UPP2: variants seen among roughly 807,000 people sequenced by gnomAD.
UPP2 encodes the protein uridine phosphorylase 2, also known as UPase 2.
Under a neutral mutation model 26.7 loss-of-function variants are expected in UPP2, and 23 were observed. The ratio of observed to expected loss-of-function variants is 0.86; its 90% CI spans 0.62 to 1.22. The LOEUF (loss-of-function observed/expected upper bound fraction) is 1.22. Ranked by LOEUF, UPP2 falls within the 50% of genes most tolerant of loss-of-function variation. UPP2 has a pLI of 0.00. For missense variants in UPP2, 387 were observed against 396.7 expected (o/e 0.98, Z 0.21); for synonymous variants, 127 against 141.3 (o/e 0.90, Z 0.72).
chr2:158,128,057 T>C, intron 6 of UPP2: 1 of 979,320 alleles, frequency 1.0e-6, no homozygotes, highest in Non-Finnish European at 1.2e-6. Flanking sequence ...TAACTTGTAT[T>C]CGTGTTTTAA....
chr2:158,067,542 C>T (rs888801671), intron 3 of UPP2, among the ~76,000 whole-genome samples: 1 of 152,084 alleles, frequency 6.6e-6, no homozygotes, highest in Admixed American at 6.6e-5. Context: ...ATCCTACGTG[C>T]ATCAGGGATT....
chr2:158,134,684 G>C, intron 6 of UPP2, 64 bp from the exon 7 acceptor site: 1 of 1,495,940 alleles, frequency 6.7e-7, no homozygotes, highest in East Asian at 2.5e-5. Context: ...GGTGTGTTTG[G>C]CTAATGCTTC....
intron 3 of UPP2, among the ~76,000 whole-genome samples, chr2:158,046,215 A>G (rs1443496280): frequency 6.6e-6 from 1 of 152,230 alleles, no homozygotes; most frequent in Non-Finnish European, 1.5e-5. Context: ...TAAAGAAGCT[A>G]TATTTTGTCT....
At chr2:158,087,923 TC>T in intron 3 of UPP2, among the ~76,000 whole-genome samples, 1 of 152,338 alleles carries the variant, frequency 6.6e-6, no homozygotes, top group East Asian at 1.9e-4. Flanking sequence ...TAAGATTCTT[TC>T]CTTCATCTTG....
chr2:158,118,346 C>A (rs1683487070), intron 4 of UPP2, among the ~76,000 whole-genome samples: 1 of 151,810 alleles, frequency 6.6e-6, no homozygotes, highest in South Asian at 2.1e-4. Flanking sequence ...AACTGCAAAG[C>A]TCTTAGAAAA....
At chr2:158,049,396 G>A (rs1181572915) in intron 3 of UPP2, among the ~76,000 whole-genome samples, 1 of 152,162 alleles carries the variant, frequency 6.6e-6, no homozygotes, top group African/African-American at 2.4e-5. Flanking sequence ...TAACCTCATT[G>A]GTTAAGTTCC....
intron 3 of UPP2, among the ~76,000 whole-genome samples, chr2:158,089,215 G>C (rs1177000850): frequency 6.6e-6 from 1 of 152,066 alleles, no homozygotes; most frequent in Non-Finnish European, 1.5e-5. Context: ...TTCCCAGGGG[G>C]ATTATGGTTG....
chr2:158,007,803 A>G (rs1240969362), intron 2 of UPP2, among the ~76,000 whole-genome samples: 3 of 151,732 alleles, frequency 2.0e-5, no homozygotes, highest in Non-Finnish European at 4.4e-5. Flanking sequence ...GGGTTTCAAC[A>G]TGTTGGTCAG....
Position 158,117,839 on chromosome 2 carries a change from C to T in UPP2, c.355C>T (p.Pro119Ser), listed in dbSNP as rs1683473989. 6.2e-7 allele frequency: 1 copy of T among 1,611,284 alleles called. No homozygotes were observed. Among genetic ancestry groups the T allele is most frequent in the African/African-American group, 1.3e-5 (1 of 74,828 alleles). The change falls in exon 4 of 7, where the codon CCC (proline) becomes TCC (serine). Residue 119 changes from proline to serine, a missense_variant. Coordinates refer to ENST00000005756, the MANE Select transcript of UPP2 (RefSeq NM_173355.4). ...CTCTCAATAGCACGGCATGGGCATC[C>T]CCTCCATTTCTATTATGCTTCATGA... ...VLAISHGMGI[P>S]SISIMLHELI...
intron 3 of UPP2, among the ~76,000 whole-genome samples, chr2:158,081,547 C>T (rs987340960): frequency 4.6e-5 from 7 of 152,062 alleles, no homozygotes; most frequent in Non-Finnish European, 1.0e-4. Flanking sequence ...TTCATAATAG[C>T]CAAGATTTGG....
intron 3 of UPP2, among the ~76,000 whole-genome samples, chr2:158,061,896 G>C (rs1312861223): frequency 6.6e-6 from 1 of 152,238 alleles, no homozygotes; most frequent in East Asian, 1.9e-4. Context: ...TCTTTCAGTG[G>C]CTTCTGTCCC....
At position 158,075,670 on chromosome 2, in the gene UPP2, T is replaced by G. The variant is rs546626228; in HGVS notation, c.148-26370T>G. Among the ~76,000 whole-genome samples the G allele has an allele frequency of 5.3e-5, 8 of 152,058 alleles. No homozygotes were observed. In the East Asian group the frequency reaches 1.5e-3, roughly 29 times the overall value. ...CATAGAAATACAACATACCAAAACC[T>G]ATGGGATACAGTGAAAGCAGTATGA... On this transcript the variant is annotated intron_variant, in intron 3 of 9. Coordinates refer to the UPP2 transcript ENST00000605860.
chr2:158,058,835 T>A (rs1283982893), intron 3 of UPP2, among the ~76,000 whole-genome samples: 1 of 151,976 alleles, frequency 6.6e-6, no homozygotes, highest in East Asian at 1.9e-4. Flanking sequence ...TGAAAAGGGT[T>A]TAAATAAGGA....
intron 3 of UPP2, among the ~76,000 whole-genome samples, chr2:158,059,429 C>G (rs1392353462): frequency 6.6e-6 from 1 of 152,200 alleles, no homozygotes; most frequent in African/African-American, 2.4e-5. Flanking sequence ...GAACTGGGCT[C>G]TTGTCTTTAA....
chr2:158,070,678 C>G (rs11684410), intron 3 of UPP2, among the ~76,000 whole-genome samples: 83,947 of 152,114 alleles, frequency 0.55, 24,131 homozygotes, highest in African/African-American at 0.61. Context: ...TAACAACTAA[C>G]TACAAACAAA....
At chr2:158,090,785 A>C (rs1682899520) in intron 3 of UPP2, among the ~76,000 whole-genome samples, 1 of 152,202 alleles carries the variant, frequency 6.6e-6, no homozygotes, top group Non-Finnish European at 1.5e-5. Context: ...TTTAGAAATG[A>C]AGAATGTAAG....
At chr2:158,020,981 G>A (rs1028179572) in intron 3 of UPP2, among the ~76,000 whole-genome samples, 2 of 152,194 alleles carry the variant, frequency 1.3e-5, no homozygotes, top group African/African-American at 4.8e-5. Context: ...AACAGGGATC[G>A]AGGGGACAGC....
intron 3 of UPP2, among the ~76,000 whole-genome samples, chr2:158,087,261 A>T (rs1682832154): frequency 6.6e-6 from 1 of 152,112 alleles, no homozygotes; most frequent in South Asian, 2.1e-4. Flanking sequence ...GGCATTTTTA[A>T]CTACTGTTGC....
intron 2 of UPP2, among the ~76,000 whole-genome samples, chr2:158,111,677 T>C (rs534032175): frequency 2.0e-5 from 3 of 152,318 alleles, no homozygotes; most frequent in Non-Finnish European, 4.4e-5. Context: ...TCTTTTGGGA[T>C]AGTTGAACAT....
Sources: gnomAD v4.1 joint callset for allele counts (sites outside exome capture counted in the v4.1 genomes callset) on GRCh38, gnomAD v4.1.1 for gene constraint, MANE v1.5 for transcripts, NCBI Gene and HGNC (gene_info 2026-07-23, HGNC 2026-07-21) for gene names.